The following ROBO2 variants were observed in gnomAD, a reference collection of about 807,000 sequenced individuals.
The protein encoded by ROBO2 is roundabout guidance receptor 2, also known as roundabout homolog 2.
A neutral mutation model predicts 160.8 loss-of-function variants in ROBO2; 53 were observed. The ratio of observed to expected loss-of-function variants is 0.33; its 90% confidence interval spans 0.26 to 0.41. The LOEUF (loss-of-function observed/expected upper bound fraction) is 0.41. Among genes scored for constraint, ROBO2 ranks in the 10% least tolerant of loss-of-function variants. ROBO2 has a pLI of 1.00. For missense variants in ROBO2, 1,577 were observed against 1,722.4 expected, an observed-to-expected ratio of 0.92 and a Z score of 1.49; for synonymous variants, 664 against 611.7, an observed-to-expected ratio of 1.09 and a Z score of -1.26.
At chr3:77,331,620 A>C (rs905227352) in intron 2 of ROBO2, among the ~76,000 whole-genome samples, 7 of 152,198 alleles carry the variant, frequency 4.6e-5, no homozygotes, top group African/African-American at 1.7e-4. Context: ...AAAGAATTTC[A>C]ATTTTTCTAC....
upstream of ROBO2, among the ~76,000 whole-genome samples, chr3:77,038,240 T>C (rs1467684751): frequency 2.0e-5 from 3 of 152,164 alleles, no homozygotes; most frequent in Non-Finnish European, 4.4e-5. Context: ...ATTCAAGTGA[T>C]TCAACTTTAA....
chr3:76,753,042 G>T (rs2060768101), intron 2 of ROBO2, among the ~76,000 whole-genome samples: 1 of 151,718 alleles, frequency 6.6e-6, no homozygotes, highest in South Asian at 2.1e-4. Context: ...AGACATTTCT[G>T]GTATTTTTAA....
At chr3:77,315,910 T>C (rs867311929) in intron 2 of ROBO2, among the ~76,000 whole-genome samples, 4 of 152,292 alleles carry the variant, frequency 2.6e-5, no homozygotes, top group Middle Eastern at 6.8e-3. Flanking sequence ...GTTTCAATAT[T>C]TTATTCAAGT....
At chr3:76,159,171 G>T (rs1377474114) in intron 2 of ROBO2, among the ~76,000 whole-genome samples, 2 of 152,066 alleles carry the variant, frequency 1.3e-5, no homozygotes, top group African/African-American at 4.8e-5. Context: ...AAAGAATTTG[G>T]ATTTTGTGTT....
intron 2 of ROBO2, among the ~76,000 whole-genome samples, chr3:76,214,807 G>C (rs1703393178): frequency 6.6e-6 from 1 of 152,222 alleles, no homozygotes; most frequent in African/African-American, 2.4e-5. Context: ...CAGCTTTGAA[G>C]AGAGAAGTCG....
At chr3:77,308,090 ATTTC>A (rs911291285) in intron 2 of ROBO2, among the ~76,000 whole-genome samples, 2 of 149,450 alleles carry the variant, frequency 1.3e-5, no homozygotes, top group Admixed American at 1.3e-4. Flanking sequence ...GAAAGGAGAT[ATTTC>A]TTTTTTTTTT....
chr3:77,290,063 C>T (rs1325849825), intron 2 of ROBO2, among the ~76,000 whole-genome samples: 9 of 150,166 alleles, frequency 6.0e-5, no homozygotes, highest in Admixed American at 2.0e-4. Context: ...GGCTAGATCA[C>T]CAAAGACATA....
intron 2 of ROBO2, among the ~76,000 whole-genome samples, chr3:76,785,327 T>A (rs1325941822): frequency 2.0e-5 from 3 of 151,186 alleles, no homozygotes; most frequent in Non-Finnish European, 4.4e-5. Context: ...CATCAGGATC[T>A]GAAAATCAAT....
At position 77,216,138 on chromosome 3, in the gene ROBO2, T is replaced by C. The variant is rs146609282; in HGVS notation, c.388+117798T>C. Reference sequence around the variant, plus strand: ...ACAGGGACATTTAAGTCTGCAGAGGTTTCTGCTGCCTTTTGTCTGTGCCCT... The same window carrying C: ...ACAGGGACATTTAAGTCTGCAGAGGCTTCTGCTGCCTTTTGTCTGTGCCCT... On this transcript the variant is annotated intron_variant, in intron 2 of 25. Transcript: ENST00000461745. Among the ~76,000 whole-genome samples, 625 of 152,188 alleles carry C rather than the reference T, an allele frequency of 4.1e-3. 2 individuals carry two copies. Among genetic ancestry groups the C allele is most frequent in the African/African-American group, 0.014 (593 of 41,530 alleles).
At chr3:77,385,483 G>A (rs2074004743) in intron 2 of ROBO2, among the ~76,000 whole-genome samples, 1 of 152,146 alleles carries the variant, frequency 6.6e-6, no homozygotes, top group African/African-American at 2.4e-5. Context: ...CGACATTTTT[G>A]TGTGGTAGTG....
chr3:76,883,743 C>A (rs2073601095), intron 2 of ROBO2, among the ~76,000 whole-genome samples: 1 of 152,182 alleles, frequency 6.6e-6, no homozygotes, highest in African/African-American at 2.4e-5. Context: ...ACTGTCAATG[C>A]AATGGTTTCC....
chr3:76,854,079 CCTCT>C (rs148459468), intron 2 of ROBO2, among the ~76,000 whole-genome samples: 9 of 132,422 alleles, frequency 6.8e-5, no homozygotes, highest in African/African-American at 2.5e-4. Flanking sequence ...TCTCTGTCTG[CCTCT>C]CTCTCTCTCA....
intron 6 of ROBO2, among the ~76,000 whole-genome samples, chr3:77,535,374 TGAA>T (rs1180095498): frequency 6.6e-6 from 1 of 152,108 alleles, no homozygotes; most frequent in Admixed American, 6.5e-5. Context: ...ACCATTTACT[TGAA>T]GAGCCATTTT....
intron 2 of ROBO2, among the ~76,000 whole-genome samples, chr3:77,472,560 G>C (rs918779204): frequency 6.6e-6 from 1 of 152,058 alleles, no homozygotes; most frequent in African/African-American, 2.4e-5. Context: ...CTATTTATAT[G>C]TGTTTTCCAG....
At chr3:76,910,099 A>G (rs1188849864) in intron 2 of ROBO2, among the ~76,000 whole-genome samples, 1 of 152,158 alleles carries the variant, frequency 6.6e-6, no homozygotes, top group Non-Finnish European at 1.5e-5. Flanking sequence ...AAATATAGGT[A>G]AGCCTAGGTC....
At chr3:77,413,154 T>C (rs1307043964) in intron 2 of ROBO2, among the ~76,000 whole-genome samples, 2 of 152,018 alleles carry the variant, frequency 1.3e-5, no homozygotes, top group African/African-American at 4.8e-5. Flanking sequence ...ATCAGTCCTT[T>C]TGGGAAGTAG....
intron 2 of ROBO2, among the ~76,000 whole-genome samples, chr3:76,358,589 G>A (rs2075314028): frequency 6.6e-6 from 1 of 151,940 alleles, no homozygotes; most frequent in Non-Finnish European, 1.5e-5. Context: ...TAAAGAGTAA[G>A]TTACATAGCT....
At chr3:76,107,567 C>T (rs183541439) in intron 2 of ROBO2, among the ~76,000 whole-genome samples, 26 of 151,940 alleles carry the variant, frequency 1.7e-4, no homozygotes, top group Non-Finnish European at 3.1e-4. Context: ...AGCATTTTTC[C>T]CTTCCTTTGC....
intron 2 of ROBO2, among the ~76,000 whole-genome samples, chr3:76,767,022 T>C (rs578178854): frequency 1.4e-4 from 21 of 151,582 alleles, no homozygotes; most frequent in African/African-American, 4.6e-4. Flanking sequence ...CATTAATACA[T>C]AGACAAAAAT....
Sources: gnomAD v4.1 joint callset for allele counts (sites outside exome capture counted in the v4.1 genomes callset) on GRCh38, gnomAD v4.1.1 for gene constraint, MANE v1.5 for transcripts, NCBI Gene and HGNC (gene_info 2026-07-23, HGNC 2026-07-21) for gene names.